The following KRT222 variants were observed in gnomAD, a reference collection of about 807,000 sequenced individuals.
The protein encoded by KRT222 is keratin 222, also known as keratin-like protein KRT222.
In KRT222, 23 loss-of-function variants were observed where a neutral mutation model predicts 35.0. That is an observed-to-expected ratio of 0.66 (90% CI 0.47 to 0.93). KRT222 has a LOEUF of 0.93. Among genes scored for constraint, KRT222 ranks in the 40% least tolerant of loss-of-function variants. The pLI is 0.00. For synonymous variants in KRT222, 108 were observed against 118.8 expected (o/e 0.91, Z 0.59); for missense variants, 339 against 346.3 (o/e 0.98, Z 0.17).
intron 3 of KRT222, among the ~76,000 whole-genome samples, chr17:40,658,966 G>C (rs746165722): frequency 6.6e-6 from 1 of 152,112 alleles, no homozygotes; most frequent in Non-Finnish European, 1.5e-5. Flanking sequence ...ATATAATTAC[G>C]TTAGAGTAAT....
At chr17:40,661,255 C>A (rs2037382075) in intron 2 of KRT222, among the ~76,000 whole-genome samples, 1 of 149,712 alleles carries the variant, frequency 6.7e-6, no homozygotes, top group Non-Finnish European at 1.5e-5. Context: ...AAATATTTTT[C>A]TTTCTTTTTT....
In KRT222 at chr17:40,665,071, A is replaced by C. The variant is rs757402462; in HGVS notation, c.29T>G (p.Ile10Ser). 1 of 1,613,970 alleles carries C rather than the reference A, an allele frequency of 6.2e-7. No individual in the cohort carries two copies. The highest frequency in any genetic ancestry group is 2.2e-5 in the East Asian group (1 of 44,866). ...GAGGATCTTTTCATAGTTTGCCCTG[A>C]TCTCATTGAGTAGCTGGGACAGTTC... is the stretch of plus-strand genomic sequence containing the variant. MELSQLLNE[I>S]RANYEKILTR... The change falls in exon 1 of 6, where the codon ATC becomes AGC. Residue 10 changes from isoleucine to serine, a missense_variant. Transcript: ENST00000394052.
Position 40,660,022 on chromosome 17 carries a change from T to C in KRT222, c.411A>G (p.Ala137=), listed in dbSNP as rs761804949. ...CTTTTTCTAGGAGGTGGCGATAAGT[T>C]GCTATTTCTTGTTCCAGCCTCATCT... is the stretch of plus-strand genomic sequence containing the variant. ...NTKMRLEQEI[A]TYRHLLEKEE... is the part of the protein sequence containing the mutation. The change falls in exon 3 of 6, where the codon GCA becomes GCG. Residue 137 remains alanine, a synonymous_variant. Transcript: ENST00000394052. 3.7e-6 allele frequency: 6 copies of C among 1,614,184 alleles called. No individual in the cohort carries two copies. The South Asian group carries it at 6.6e-5, about 18-fold the overall frequency.
intron 2 of KRT222, among the ~76,000 whole-genome samples, chr17:40,660,976 G>A (rs1432924717): frequency 6.6e-6 from 1 of 152,174 alleles, no homozygotes; most frequent in Non-Finnish European, 1.5e-5. Context: ...AGACAGTCTC[G>A]CTCTGTCGCT....
At chr17:40,663,221 C>T (rs535681210) in intron 1 of KRT222, among the ~76,000 whole-genome samples, 4 of 152,178 alleles carry the variant, frequency 2.6e-5, no homozygotes, top group South Asian at 4.1e-4. Context: ...TCGGTAACTA[C>T]AGTCCCAAGA....
chr17:40,659,094 T>A (rs1266771996), intron 3 of KRT222, among the ~76,000 whole-genome samples: 1 of 151,612 alleles, frequency 6.6e-6, no homozygotes, highest in African/African-American at 2.4e-5. Context: ...CACAGACTAA[T>A]CCTAGAAGAG....
Position 40,660,247 on chromosome 17 carries a change from G to A in KRT222, c.226-40C>T, listed in dbSNP as rs370838684. On this transcript the variant is annotated intron_variant, in intron 2 of 5. Transcript: ENST00000394052. ...TTTTCATCAGTGAATCAGTAACACAGAATGTGTTTCTGAAATCTGATTTGC... is the reference window on the plus strand; with the variant it reads ...TTTTCATCAGTGAATCAGTAACACAAAATGTGTTTCTGAAATCTGATTTGC... 5.5e-6 allele frequency: 8 copies of A among 1,458,122 alleles called. No individual in the cohort carries two copies. In the South Asian group the frequency reaches 9.7e-5, roughly 18 times the overall value. The allele number at this position is 1,458,122 out of a possible 1,614,324, so 90.3% of individuals were successfully genotyped here. A position where few individuals can be genotyped will look rare whatever the true frequency, so the allele number is the denominator to read the frequency against.
chr17:40,661,411 C>T (rs931016613), intron 2 of KRT222, among the ~76,000 whole-genome samples: 5 of 151,898 alleles, frequency 3.3e-5, no homozygotes, highest in Admixed American at 2.6e-4. Flanking sequence ...GGACAACAGG[C>T]GCGTGCCACC....
Position 40,661,901 on chromosome 17 carries a change from T to C in KRT222, c.225+15A>G, listed in dbSNP as rs374545639. 5.6e-5 allele frequency: 91 copies of C among 1,611,504 alleles called. No individual in the cohort carries two copies. The Middle Eastern group carries it at 9.9e-4, about 18-fold the overall frequency. On this transcript the variant is annotated intron_variant, in intron 2 of 5. Coordinates refer to ENST00000394052, the MANE Select transcript of KRT222 (RefSeq NM_152349.3). Reference sequence around the variant, plus strand: ...GAGGACTCGATGGGTCGGTTACTTTTGGGATCATTCTCACCACAGCATGGA... The same window carrying C: ...GAGGACTCGATGGGTCGGTTACTTTCGGGATCATTCTCACCACAGCATGGA...
rs772562375 is a variant in KRT222, at chr17:40,657,492, G to A, written c.524-5C>T. ...AAGATATTTCATTTATAATGGCTGT[G>A]AAAATATCATTTATGATATATTAAA... On this transcript the variant is annotated splice_polypyrimidine_tract_variant and splice_region_variant and intron_variant, in intron 4 of 5. Transcript: ENST00000394052. 6.3e-7 allele frequency: 1 copy of A among 1,577,304 alleles called. No individual in the cohort carries two copies. The highest frequency in any genetic ancestry group is 8.7e-7 in the Non-Finnish European group (1 of 1,154,130).
chr17:40,664,050 A>G (rs771865089), intron 1 of KRT222, among the ~76,000 whole-genome samples: 1 of 152,214 alleles, frequency 6.6e-6, no homozygotes. Flanking sequence ...TGAGTGGCTA[A>G]TGGAATAAAG....
chr17:40,656,131 T>C lies in KRT222; in HGVS notation c.*271A>G, dbSNP rs1443051182. The C allele has an allele frequency of 4.6e-5, 13 of 283,538 alleles. No homozygotes were observed. The highest frequency in any genetic ancestry group is 1.2e-4 in the South Asian group (1 of 8,668). The allele number at this position is 283,538 out of a possible 1,614,324, so 17.6% of individuals were successfully genotyped here. ...AAGTTTCAAGGGAAAAAGAAGACTA[T>C]TGGGAGAATATAAAGAAAGAGACTG... On this transcript the variant is annotated 3_prime_UTR_variant, in exon 6 of 6. Transcript: ENST00000394052.
chr17:40,661,852 C>T, intron 2 of KRT222, 64 bp downstream of exon 2: 5 of 1,549,632 alleles, frequency 3.2e-6, no homozygotes, highest in Non-Finnish European at 4.4e-6. Context: ...TTCATCTTTT[C>T]CTTCTCTTAA....
At position 40,656,332 on chromosome 17, in the gene KRT222, A is replaced by T; in HGVS notation, c.*70T>A. ...TACGTAATAACTTACATTTTGGGACAGAGGGAGTTGGTATGGCCCACCTTG... is the reference window on the plus strand; with the variant it reads ...TACGTAATAACTTACATTTTGGGACTGAGGGAGTTGGTATGGCCCACCTTG... On this transcript the variant is annotated 3_prime_UTR_variant, in exon 6 of 6. Transcript: ENST00000394052. 1 of 1,020,140 alleles carries T rather than the reference A, an allele frequency of 9.8e-7. No individual in the cohort carries two copies. Among genetic ancestry groups the T allele is most frequent in the Middle Eastern group, 2.1e-4 (1 of 4,852 alleles). The allele number at this position is 1,020,140 out of a possible 1,614,324, so 63.2% of individuals were successfully genotyped here.
At chr17:40,658,898 G>A (rs1038709232) in intron 3 of KRT222, among the ~76,000 whole-genome samples, 2 of 152,088 alleles carry the variant, frequency 1.3e-5, no homozygotes, top group African/African-American at 4.8e-5. Flanking sequence ...TTTCCTATCA[G>A]GATATCTGGT....
At chr17:40,659,889 A>G (rs1452330101) in intron 3 of KRT222, 98 bp downstream of exon 3, 1 of 946,794 alleles carries the variant, frequency 1.1e-6, no homozygotes. Context: ...CATGATGATG[A>G]TGGGGTTTTT....
At chr17:40,657,033 C>T (rs763398314) in intron 5 of KRT222, among the ~76,000 whole-genome samples, 27 of 151,662 alleles carry the variant, frequency 1.8e-4, no homozygotes, top group Admixed American at 3.3e-4. Context: ...ATGGTAAAAC[C>T]CCATCTCTAC....
At chr17:40,660,283 T>A in intron 2 of KRT222, 76 bp from the exon 3 acceptor site, 24 of 1,158,622 alleles carry the variant, frequency 2.1e-5, no homozygotes, top group Non-Finnish European at 3.0e-5. Context: ...AATATCTTCA[T>A]CTTTTTTTTT....
chr17:40,661,292 A>G (rs545437378), intron 2 of KRT222, among the ~76,000 whole-genome samples: 1 of 150,436 alleles, frequency 6.6e-6, no homozygotes, highest in South Asian at 2.1e-4. Context: ...CTGGAGACAG[A>G]GTCTCGCTCT....
Sources: gnomAD v4.1 joint callset for allele counts (sites outside exome capture counted in the v4.1 genomes callset) on GRCh38, gnomAD v4.1.1 for gene constraint, MANE v1.5 for transcripts, NCBI Gene and HGNC (gene_info 2026-07-23, HGNC 2026-07-21) for gene names.